NDUFA8: variants seen among roughly 807,000 people sequenced by gnomAD.
NDUFA8 encodes NADH dehydrogenase [ubiquinone] 1 alpha subcomplex subunit 8.
Under a neutral mutation model 20.9 loss-of-function variants are expected in NDUFA8, and 16 were observed. That is an observed-to-expected ratio of 0.77 (90% CI 0.52 to 1.16). The LOEUF is 1.16. Ranked by LOEUF, NDUFA8 falls within the 50% of genes most tolerant of loss-of-function variation. The probability of loss-of-function intolerance (pLI) is 0.00; values close to 1 mark genes in which losing one functional copy is unlikely to be tolerated. For missense variants in NDUFA8, 202 were observed against 216.4 expected, an observed-to-expected ratio of 0.93 and a Z score of 0.42; for synonymous variants, 70 against 76.1, an observed-to-expected ratio of 0.92 and a Z score of 0.41.
the NDUFA8 span, among the ~76,000 whole-genome samples, chr9:122,138,864 G>GT: frequency 0.062 from 7,613 of 123,632 alleles, 747 homozygotes; most frequent in African/African-American, 0.23. Flanking sequence ...CCAAGAAGAG[G>GT]TGGGGGGGGG....
Position 122,152,671 on chromosome 9 carries a change from T to C in NDUFA8, c.52-263A>G, listed in dbSNP as rs567855682. On this transcript the variant is annotated intron_variant, in intron 1 of 3. Transcript: ENST00000373768. ...CCGAGGCTCAAGCGATTCTGCTGCC[T>C]CAGCCTCCCAAGTAGCTGGGATTAC... Among the ~76,000 whole-genome samples the C allele has an allele frequency of 5.3e-5, 8 of 151,960 alleles. No individual in the cohort carries two copies. The South Asian group carries it at 1.7e-3, about 32-fold the overall frequency.
intron 3 of NDUFA8, among the ~76,000 whole-genome samples, chr9:122,144,700 G>A (rs560151391): frequency 2.0e-5 from 3 of 152,304 alleles, no homozygotes; most frequent in Non-Finnish European, 1.5e-5. Flanking sequence ...TAATGGCAAT[G>A]ATGGAGACAG....
At chr9:122,150,971 C>CAAAAAAAAA (rs71508152) in intron 2 of NDUFA8, among the ~76,000 whole-genome samples, 3 of 50,424 alleles carry the variant, frequency 5.9e-5, no homozygotes, top group Non-Finnish European at 9.6e-5. Context: ...GACTCCGTCT[C>CAAAAAAAAA]AAAAAAAAAA....
chr9:122,158,733 C>A (rs1200929456), intron 1 of NDUFA8, among the ~76,000 whole-genome samples: 1 of 145,228 alleles, frequency 6.9e-6, no homozygotes, highest in African/African-American at 2.6e-5. Flanking sequence ...TATATATACA[C>A]CAATTGTGTA....
At chr9:122,138,865 TGG>T in the NDUFA8 span, among the ~76,000 whole-genome samples, 456 of 89,446 alleles carry the variant, frequency 5.1e-3, 32 homozygotes, top group Admixed American at 0.055. Flanking sequence ...CAAGAAGAGG[TGG>T]GGGGGGGGCC....
intron 1 of NDUFA8, among the ~76,000 whole-genome samples, chr9:122,155,004 G>A (rs1164519612): frequency 6.6e-6 from 1 of 152,178 alleles, no homozygotes; most frequent in African/African-American, 2.4e-5. Flanking sequence ...AGTGTATTAT[G>A]CTTTAATACT....
chr9:122,135,596 T>C, the NDUFA8 span, among the ~76,000 whole-genome samples: 55 of 152,334 alleles, frequency 3.6e-4, no homozygotes, highest in African/African-American at 1.3e-3. Flanking sequence ...GGGTTATTTA[T>C]TTATTTATTT....
intron 3 of NDUFA8, 117 bp downstream of exon 3, chr9:122,147,995 T>C: frequency 8.1e-7 from 1 of 1,235,556 alleles, no homozygotes; most frequent in Non-Finnish European, 1.2e-6. Context: ...ATATGTTTGG[T>C]AAATCTGGTA....
intron 2 of NDUFA8, among the ~76,000 whole-genome samples, chr9:122,151,678 T>C (rs1041236571): frequency 5.3e-5 from 8 of 152,286 alleles, no homozygotes; most frequent in African/African-American, 1.9e-4. Context: ...GGCCTATTTC[T>C]GGACTTCAGA....
At chr9:122,138,267 G>C in the NDUFA8 span, among the ~76,000 whole-genome samples, 41 of 152,126 alleles carry the variant, frequency 2.7e-4, no homozygotes, top group Admixed American at 2.7e-3. Flanking sequence ...AAGGAATACT[G>C]GCATGCAATT....
At chr9:122,136,372 C>T in the NDUFA8 span, among the ~76,000 whole-genome samples, 116,389 of 152,172 alleles carry the variant, frequency 0.76, 44,880 homozygotes, top group African/African-American at 0.84. Context: ...AGAGTATGCA[C>T]TTTCCCACTT....
downstream of NDUFA8, among the ~76,000 whole-genome samples, chr9:122,141,366 AT>A (rs1828818533): frequency 6.6e-6 from 1 of 152,236 alleles, no homozygotes; most frequent in African/African-American, 2.4e-5. Flanking sequence ...TTAGGAAGTC[AT>A]TTAATAATCC....
Position 122,148,063 on chromosome 9 carries a change from A to G in NDUFA8, c.381+49T>C, listed in dbSNP as rs751304645. 13 of 1,611,698 alleles carry G rather than the reference A, an allele frequency of 8.1e-6. No individual in the cohort carries two copies. In the East Asian group the frequency reaches 1.1e-4, roughly 14 times the overall value. Reference sequence around the variant, plus strand: ...CCTTTGCTGACCACCTCCTGCCTTTATCCCACCCCTGAATCAGAAAGTGAG... The same window carrying G: ...CCTTTGCTGACCACCTCCTGCCTTTGTCCCACCCCTGAATCAGAAAGTGAG... On this transcript the variant is annotated intron_variant, in intron 3 of 3. Coordinates refer to ENST00000373768, the MANE Select transcript of NDUFA8 (RefSeq NM_014222.3).
chr9:122,158,797 G>T (rs887545990), intron 1 of NDUFA8, among the ~76,000 whole-genome samples: 2 of 140,274 alleles, frequency 1.4e-5, no homozygotes, highest in African/African-American at 3.3e-5. Context: ...GTATATATAT[G>T]TGTATGTGTG....
intron 2 of NDUFA8, among the ~76,000 whole-genome samples, chr9:122,149,677 G>A (rs1482754263): frequency 6.6e-6 from 1 of 152,200 alleles, no homozygotes; most frequent in African/African-American, 2.4e-5. Flanking sequence ...AATTGTTTAG[G>A]CTGGATGCTG....
chr9:122,146,872 GGA>G (rs1828911963), intron 3 of NDUFA8, among the ~76,000 whole-genome samples: 1 of 152,184 alleles, frequency 6.6e-6, no homozygotes, highest in Non-Finnish European at 1.5e-5. Flanking sequence ...TTCCAGCCTA[GGA>G]GAGAGAGTAA....
At position 122,159,776 on chromosome 9, in the gene NDUFA8, G is replaced by A; in HGVS notation, c.-99C>T. The stretch of plus-strand genomic sequence containing the variant: ...CCGCCGAGTGCCACACGGCGCCTGC[G>A]CATGCGCATCCGGCAACACGCAGGC... On this transcript the variant is annotated 5_prime_UTR_variant, in exon 1 of 4. Transcript: ENST00000373768. 6.4e-7 allele frequency: 1 copy of A among 1,569,664 alleles called. No individual in the cohort carries two copies. Among genetic ancestry groups the A allele is most frequent in the Non-Finnish European group, 8.8e-7 (1 of 1,141,190 alleles).
downstream of NDUFA8, among the ~76,000 whole-genome samples, chr9:122,140,975 G>A (rs561642400): frequency 3.9e-5 from 6 of 152,294 alleles, 1 homozygote; most frequent in African/African-American, 4.8e-5. Context: ...CGGGAACAAA[G>A]GGGCAGGAAA....
chr9:122,132,926 C>G, the NDUFA8 span: 1 of 456,102 alleles, frequency 2.2e-6, no homozygotes, highest in South Asian at 1.5e-5. Flanking sequence ...CACCATGATG[C>G]TGCAGTGTCT....
Sources: allele counts gnomAD v4.1 joint callset (sites outside exome capture counted in the v4.1 genomes callset), GRCh38; gene constraint gnomAD v4.1.1; transcripts MANE v1.5; gene names NCBI Gene and HGNC (gene_info 2026-07-23, HGNC 2026-07-21).